AHI1: variants seen among roughly 807,000 people sequenced by gnomAD.
AHI1 encodes the protein jouberin.
A neutral mutation model predicts 149.3 loss-of-function variants in AHI1; 123 were observed. The ratio of observed to expected loss-of-function variants is 0.82; its 90% CI spans 0.71 to 0.96. The LOEUF is 0.96. Among genes scored for constraint, AHI1 ranks in the 40% least tolerant of loss-of-function variants. The probability of loss-of-function intolerance (pLI) is 0.00; values close to 1 mark genes in which losing one functional copy is unlikely to be tolerated. For missense variants in AHI1, 1,439 were observed against 1,422.7 expected, an observed-to-expected ratio of 1.01 and a Z score of -0.18; for synonymous variants, 475 against 459.8, an observed-to-expected ratio of 1.03 and a Z score of -0.42.
intron 26 of AHI1, among the ~76,000 whole-genome samples, chr6:135,304,463 A>G (rs899807443): frequency 2.0e-5 from 3 of 152,162 alleles, no homozygotes; most frequent in Non-Finnish European, 4.4e-5. Context: ...CAGTTTCTAG[A>G]AGCATACTGT....
chr6:135,466,868 T>C (rs1790847852), intron 6 of AHI1, among the ~76,000 whole-genome samples: 2 of 152,184 alleles, frequency 1.3e-5, no homozygotes, highest in South Asian at 4.1e-4. Flanking sequence ...ATCACTAAAA[T>C]GCTGCTAAAT....
chr6:135,436,970 A>C (rs865909753), intron 15 of AHI1, among the ~76,000 whole-genome samples: 8 of 152,210 alleles, frequency 5.3e-5, no homozygotes, highest in South Asian at 4.1e-4. Flanking sequence ...AGACTAGTAG[A>C]TGTAATACAA....
chr6:135,483,006 C>A (rs1020347105), intron 5 of AHI1, among the ~76,000 whole-genome samples: 7 of 148,560 alleles, frequency 4.7e-5, no homozygotes, highest in African/African-American at 1.5e-4. Context: ...ATTCTCCTGC[C>A]TCGGCCTCCC....
At chr6:135,437,461 A>G (rs1785581312) in intron 15 of AHI1, among the ~76,000 whole-genome samples, 1 of 152,248 alleles carries the variant, frequency 6.6e-6, no homozygotes, top group Admixed American at 6.5e-5. Context: ...CATGACCAAG[A>G]AGGAAGTCAA....
chr6:135,298,353 A>G (rs1002685168), intron 27 of AHI1, among the ~76,000 whole-genome samples: 1 of 151,942 alleles, frequency 6.6e-6, no homozygotes, highest in Non-Finnish European at 1.5e-5. Flanking sequence ...CAAAAAAACA[A>G]GACAAGAAAT....
intron 2 of AHI1, among the ~76,000 whole-genome samples, chr6:135,496,570 T>C (rs1318833466): frequency 1.3e-5 from 2 of 152,194 alleles, no homozygotes; most frequent in African/African-American, 4.8e-5. Flanking sequence ...TCACAAACCC[T>C]TTCACAGGAG....
intron 3 of AHI1, 70 bp from the exon 4 acceptor site, chr6:135,492,361 C>A: frequency 4.8e-6 from 7 of 1,449,928 alleles, no homozygotes; most frequent in Non-Finnish European, 5.5e-6. Flanking sequence ...GTTCTTCACA[C>A]AAGATCATGC....
chr6:135,418,331 GA>G (rs1782675176), intron 20 of AHI1, among the ~76,000 whole-genome samples: 2 of 152,048 alleles, frequency 1.3e-5, no homozygotes, highest in Admixed American at 6.6e-5. Context: ...TTTGCTTAAA[GA>G]AATGTTATAT....
chr6:135,447,040 CCTTT>C lies in AHI1; in HGVS notation c.1743_1746del (p.Glu583Ter). 2 of 1,550,132 alleles carry C rather than the reference CCTTT, an allele frequency of 1.3e-6. No individual in the cohort carries two copies. Among genetic ancestry groups the C allele is most frequent in the Non-Finnish European group, 1.8e-6 (2 of 1,139,426 alleles). ...GGGAGTCGTTTCCACTTTATTACTT[CCTTT>C]GACTCTTCTAATCCAGGTTCTGTGT... On this transcript the variant is annotated frameshift_variant, in exon 13 of 29. Coordinates refer to ENST00000265602, the MANE Select transcript of AHI1 (RefSeq NM_001134831.2). LOFTEE classifies it high-confidence loss of function.
At chr6:135,466,505 G>C in intron 6 of AHI1, 132 bp from the exon 7 acceptor site, 1 of 822,948 alleles carries the variant, frequency 1.2e-6, no homozygotes, top group East Asian at 2.6e-5. Context: ...TGGACATAGT[G>C]ACACTATTTT....
At chr6:135,466,707 G>T (rs1453800416) in intron 6 of AHI1, among the ~76,000 whole-genome samples, 2 of 152,120 alleles carry the variant, frequency 1.3e-5, no homozygotes, top group African/African-American at 4.8e-5. Context: ...CACTCTAATA[G>T]ATATTCGAGA....
intron 24 of AHI1, among the ~76,000 whole-genome samples, chr6:135,354,718 G>T (rs2128430576): frequency 6.6e-6 from 1 of 152,248 alleles, no homozygotes; most frequent in Middle Eastern, 3.4e-3. Flanking sequence ...AATTCTTAAA[G>T]TGGCATGATG....
chr6:135,444,099 T>C (rs768058496), intron 13 of AHI1, among the ~76,000 whole-genome samples: 1 of 152,212 alleles, frequency 6.6e-6, no homozygotes, highest in African/African-American at 2.4e-5. Context: ...CTCAAAAGCC[T>C]TGACTGTTTC....
At chr6:135,339,307 A>G (rs1365237028) in intron 24 of AHI1, among the ~76,000 whole-genome samples, 1 of 152,228 alleles carries the variant, frequency 6.6e-6, no homozygotes, top group African/African-American at 2.4e-5. Context: ...GAAAGAGGAA[A>G]GTATGTCTCC....
At chr6:135,434,989 C>T (rs1785188086) in intron 15 of AHI1, among the ~76,000 whole-genome samples, 1 of 152,080 alleles carries the variant, frequency 6.6e-6, no homozygotes, top group African/African-American at 2.4e-5. Context: ...GAAAGCTAAT[C>T]AAGTGGGAAA....
intron 21 of AHI1, among the ~76,000 whole-genome samples, chr6:135,405,635 C>T (rs546105785): frequency 6.6e-6 from 1 of 151,980 alleles, no homozygotes; most frequent in South Asian, 2.1e-4. Flanking sequence ...CCGAGGCAGG[C>T]AGATCACGAG....
intron 23 of AHI1, among the ~76,000 whole-genome samples, chr6:135,370,970 T>C (rs1445466597): frequency 6.6e-6 from 1 of 152,162 alleles, no homozygotes; most frequent in Admixed American, 6.5e-5. Flanking sequence ...TAAATTTATG[T>C]CTAAACCTCT....
intron 23 of AHI1, 132 bp from the exon 24 acceptor site, chr6:135,358,319 A>G: frequency 1.3e-6 from 1 of 773,708 alleles, no homozygotes; most frequent in Non-Finnish European, 2.2e-6. Flanking sequence ...TCTCACTTGG[A>G]AGGCAAGATC....
At chr6:135,454,976 C>T (rs76192986) in intron 10 of AHI1, among the ~76,000 whole-genome samples, 2,533 of 152,190 alleles carry the variant, frequency 0.017, 72 homozygotes, top group African/African-American at 0.057. Flanking sequence ...TGCCAAGTCC[C>T]CTGCTGTTCC....
Sources: gnomAD v4.1 joint callset for allele counts (sites outside exome capture counted in the v4.1 genomes callset) on GRCh38, gnomAD v4.1.1 for gene constraint, MANE v1.5 for transcripts, NCBI Gene and HGNC (gene_info 2026-07-23, HGNC 2026-07-21) for gene names.